PPP1R14C: variants seen among roughly 807,000 people sequenced by gnomAD.
PPP1R14C encodes the protein protein phosphatase 1 regulatory inhibitor subunit 14C.
A neutral mutation model predicts 20.4 loss-of-function variants in PPP1R14C; 16 were observed. The ratio of observed to expected loss-of-function variants is 0.78; its 90% CI spans 0.53 to 1.19. The LOEUF is 1.19. PPP1R14C is among the 50% of genes most tolerant of loss of function. The pLI is 0.00. For synonymous variants in PPP1R14C, 91 were observed against 91.0 expected, an observed-to-expected ratio of 1.00 and a Z score of 0.00; for missense variants, 211 against 220.1, an observed-to-expected ratio of 0.96 and a Z score of 0.26.
At chr6:150,214,113 CCTTAGTT>C (rs1778061104) in intron 1 of PPP1R14C, among the ~76,000 whole-genome samples, 1 of 152,192 alleles carries the variant, frequency 6.6e-6, no homozygotes, top group Non-Finnish European at 1.5e-5. Flanking sequence ...CCCAGAGCCC[CCTTAGTT>C]CTTAGTTGGA....
rs1430564748 is a variant in PPP1R14C, at chr6:150,143,788, T to C, written c.306+290T>C. 6.6e-6 allele frequency among the ~76,000 whole-genome samples: 1 copy of C among 151,912 alleles called. No homozygotes were observed. Among genetic ancestry groups the C allele is most frequent in the Non-Finnish European group, 1.5e-5 (1 of 67,964 alleles). ...CGGAGCACAGTGCTTTTCTCCGAGC[T>C]CCGGGCGCCTCTGGGCTCCAGCTGC... is the stretch of plus-strand genomic sequence containing the variant. On this transcript the variant is annotated intron_variant, in intron 1 of 3. Transcript: ENST00000361131. This position sits in a 1 kb window ranked among gnomAD's most constrained non-coding sequence, Gnocchi z 5.6.
intron 3 of PPP1R14C, among the ~76,000 whole-genome samples, chr6:150,234,002 G>T (rs1386775544): frequency 6.6e-6 from 1 of 152,220 alleles, no homozygotes; most frequent in Non-Finnish European, 1.5e-5. Flanking sequence ...CAGAGGACTG[G>T]TAAAACACTC....
At chr6:150,239,496 A>G (rs975986886) in intron 3 of PPP1R14C, among the ~76,000 whole-genome samples, 1 of 152,248 alleles carries the variant, frequency 6.6e-6, no homozygotes, top group Admixed American at 6.5e-5. Flanking sequence ...AGAAGAAATT[A>G]AAAGGGAAAT....
chr6:150,246,898 T>G (rs1180019817), intron 3 of PPP1R14C, among the ~76,000 whole-genome samples: 1 of 152,144 alleles, frequency 6.6e-6, no homozygotes, highest in East Asian at 1.9e-4. Context: ...AAGGATATAT[T>G]TATATGGTAT....
intron 3 of PPP1R14C, among the ~76,000 whole-genome samples, chr6:150,219,512 G>T (rs568398904): frequency 6.6e-6 from 1 of 151,718 alleles, no homozygotes; most frequent in East Asian, 1.9e-4. Flanking sequence ...CACTGTGCCC[G>T]GCCATAACGC....
Position 150,248,478 on chromosome 6 carries a change from C to T in PPP1R14C, c.424-268C>T, listed in dbSNP as rs183534696. On this transcript the variant is annotated intron_variant, in intron 3 of 3. Transcript: ENST00000361131. ...ATAGCTCTGATCTCAACACAAATGC[C>T]TCAGGGGCCAAGTAGGTCATGTCAG... Among the ~76,000 whole-genome samples the T allele has an allele frequency of 6.9e-4, 105 of 152,304 alleles. 1 individual carries two copies. Among genetic ancestry groups the T allele is most frequent in the African/African-American group, 2.3e-3 (97 of 41,560 alleles).
At chr6:150,152,176 A>G (rs1281058081) in intron 1 of PPP1R14C, among the ~76,000 whole-genome samples, 1 of 150,934 alleles carries the variant, frequency 6.6e-6, no homozygotes, top group African/African-American at 2.4e-5. Context: ...CTTGTCCTTC[A>G]TGGGTGCTAA....
rs547725372 is a variant in PPP1R14C, at chr6:150,158,536, C to T, written c.306+15038C>T. 2.6e-5 allele frequency among the ~76,000 whole-genome samples: 4 copies of T among 152,224 alleles called. No individual in the cohort carries two copies. In the South Asian group the frequency reaches 8.3e-4, roughly 32 times the overall value. On this transcript the variant is annotated intron_variant, in intron 1 of 3. Coordinates refer to ENST00000361131, the MANE Select transcript of PPP1R14C (RefSeq NM_030949.3). The stretch of plus-strand genomic sequence containing the variant: ...GATAACATGTATTCTAGGTAAAACT[C>T]TTTTTTCATAGGGTATCTTTTATAT...
Position 150,201,259 on chromosome 6 carries a change from A to T in PPP1R14C, c.307-13485A>T, listed in dbSNP as rs1326648438. On this transcript the variant is annotated intron_variant, in intron 1 of 3. Coordinates refer to ENST00000361131, the MANE Select transcript of PPP1R14C (RefSeq NM_030949.3). The surrounding 1 kb of genome is among the most constrained non-coding windows in gnomAD (Gnocchi z 4.2). ...TCTTGGTCCTCCAGTATGGGGAGGC[A>T]GACTGAGAAATGTGAATTGGAAGAG... is the stretch of plus-strand genomic sequence containing the variant. Among the ~76,000 whole-genome samples the T allele has an allele frequency of 6.6e-6, 1 of 152,222 alleles. No individual in the cohort carries two copies. Among genetic ancestry groups the T allele is most frequent in the Non-Finnish European group, 1.5e-5 (1 of 68,040 alleles).
intron 1 of PPP1R14C, among the ~76,000 whole-genome samples, chr6:150,146,177 C>A (rs752767564): frequency 4.6e-5 from 7 of 152,094 alleles, no homozygotes; most frequent in Non-Finnish European, 8.8e-5. Context: ...AGAAGATGTT[C>A]TTTTTATCCT....
rs1777449941 is a variant in PPP1R14C at position 150,168,024 on chromosome 6, TGCGG to T, written c.306+24527_306+24530del. Among the ~76,000 whole-genome samples the T allele has an allele frequency of 1.4e-3, 16 of 11,126 alleles. 3 individuals are homozygous for T. The highest frequency in any genetic ancestry group is 6.1e-3 in the African/African-American group (15 of 2,470). The allele number at this position is 11,126 out of a possible 152,430, so 7.3% of individuals were successfully genotyped here. A position where few individuals can be genotyped will look rare whatever the true frequency, so the allele number is the denominator to read the frequency against. On this transcript the variant is annotated intron_variant, in intron 1 of 3. Coordinates refer to ENST00000361131, the MANE Select transcript of PPP1R14C (RefSeq NM_030949.3). ...CCCCTTGCTTTCCTCCCACCCTTTC[TGCGG>T]CCCCTCCCCTCCCGACTCTCCTCTC... is the stretch of plus-strand genomic sequence containing the variant.
In PPP1R14C at chr6:150,216,524, T is replaced by C. The variant is rs527948755; in HGVS notation, c.391-300T>C. On this transcript the variant is annotated intron_variant, in intron 2 of 3. Transcript: ENST00000361131. ...CAAACAAACAAACAAACAAAACTGG[T>C]CAAGGGTTATATTTTGTTTTCAATG... 3.6e-3 allele frequency among the ~76,000 whole-genome samples: 546 copies of C among 150,926 alleles called. 4 individuals carry two copies. The highest frequency in any genetic ancestry group is 0.012 in the African/African-American group (509 of 40,904).
rs1778531545 is a variant in PPP1R14C at position 150,249,163 on chromosome 6, G to T, written c.*343G>T. ...AGATGTTCAGTACCTTATGATACAG[G>T]GAAGATAGTTTTCTTACAAGTAGTT... On this transcript the variant is annotated 3_prime_UTR_variant, in exon 4 of 4. Coordinates refer to ENST00000361131, the MANE Select transcript of PPP1R14C (RefSeq NM_030949.3). The T allele has an allele frequency of 1.0e-5, 4 of 399,486 alleles. No individual in the cohort carries two copies. In the East Asian group the frequency reaches 1.4e-4, roughly 14 times the overall value. The allele number at this position is 399,486 out of a possible 1,614,324, so 24.7% of individuals were successfully genotyped here.
At position 150,216,502 on chromosome 6, in the gene PPP1R14C, A is replaced by G. The variant is rs574159027; in HGVS notation, c.391-322A>G. Among the ~76,000 whole-genome samples, 55 of 152,216 alleles carry G rather than the reference A, an allele frequency of 3.6e-4. 2 individuals carry two copies. The South Asian group carries it at 9.1e-3, about 25-fold the overall frequency. On this transcript the variant is annotated intron_variant, in intron 2 of 3. Coordinates refer to ENST00000361131, the MANE Select transcript of PPP1R14C (RefSeq NM_030949.3). ...AGAGCGAGATTCTGTCTCAAAACAA[A>G]CAAACAAACAAACAAAACTGGTCAA...
intron 1 of PPP1R14C, among the ~76,000 whole-genome samples, chr6:150,152,119 CAAAAAAAAAAAAA>C (rs577869928): frequency 2.4e-5 from 2 of 84,946 alleles, no homozygotes; most frequent in Admixed American, 2.1e-4. Context: ...GACTCCGTCT[CAAAAAAAAAAAAA>C]AAAAAAAAAA....
At chr6:150,183,186 ATT>A (rs529133964) in intron 1 of PPP1R14C, among the ~76,000 whole-genome samples, 3 of 143,512 alleles carry the variant, frequency 2.1e-5, no homozygotes, top group Non-Finnish European at 1.5e-5. Context: ...TTTGAAGGGG[ATT>A]TTTTTTTTTT....
At chr6:150,213,174 G>A (rs959199500) in intron 1 of PPP1R14C, among the ~76,000 whole-genome samples, 1 of 152,282 alleles carries the variant, frequency 6.6e-6, no homozygotes. Context: ...TAAGAGCCAA[G>A]CAAAGGATCA....
chr6:150,210,693 A>G (rs1356243661), intron 1 of PPP1R14C, among the ~76,000 whole-genome samples: 1 of 152,234 alleles, frequency 6.6e-6, no homozygotes, highest in Non-Finnish European at 1.5e-5. Context: ...ATTTTTTTAC[A>G]TTAAAAAACT....
intron 1 of PPP1R14C, among the ~76,000 whole-genome samples, chr6:150,198,752 G>T (rs1228146312): frequency 6.6e-6 from 1 of 152,170 alleles, no homozygotes; most frequent in African/African-American, 2.4e-5. Context: ...GCTGAGCTTG[G>T]CTTCCACAGC....
Sources: gnomAD v4.1 joint callset for allele counts (sites outside exome capture counted in the v4.1 genomes callset) on GRCh38, gnomAD v4.1.1 for gene constraint, Gnocchi (gnomAD v3.1) non-coding constraint, MANE v1.5 for transcripts, NCBI Gene and HGNC (gene_info 2026-07-23, HGNC 2026-07-21) for gene names.